Variants in TFAP2D observed in about 807,000 individuals in gnomAD.
TFAP2D encodes the protein transcription factor AP-2-delta.
In TFAP2D, 9 loss-of-function variants were observed where a neutral mutation model predicts 43.6. That is an observed-to-expected ratio of 0.21 (90% CI 0.12 to 0.36). The LOEUF (loss-of-function observed/expected upper bound fraction) is 0.36. Ranked by LOEUF, TFAP2D falls within the 10% of genes least tolerant of loss-of-function variation. The pLI is 1.00. For missense variants in TFAP2D, 513 were observed against 561.4 expected, an observed-to-expected ratio of 0.91 and a Z score of 0.87; for synonymous variants, 256 against 224.9, an observed-to-expected ratio of 1.14 and a Z score of -1.24.
chr6:50,734,198 A>G (rs139598028), intron 5 of TFAP2D, among the ~76,000 whole-genome samples: 1 of 152,112 alleles, frequency 6.6e-6, no homozygotes, highest in African/African-American at 2.4e-5. Context: ...ATCTTAGCTC[A>G]TGTAAATTAG....
chr6:50,732,464 G>A (rs1294482562), intron 5 of TFAP2D, among the ~76,000 whole-genome samples: 1 of 151,920 alleles, frequency 6.6e-6, no homozygotes, highest in African/African-American at 2.4e-5. Flanking sequence ...CCACATTTTG[G>A]CATAATATTG....
chr6:50,738,145 A>T (rs781592216), intron 5 of TFAP2D, among the ~76,000 whole-genome samples: 22 of 152,130 alleles, frequency 1.4e-4, no homozygotes, highest in Non-Finnish European at 2.8e-4. Context: ...ACCCTCTATT[A>T]TGAAGGAGAT....
At chr6:50,732,918 C>T (rs1188956301) in intron 5 of TFAP2D, among the ~76,000 whole-genome samples, 2 of 151,966 alleles carry the variant, frequency 1.3e-5, no homozygotes, top group Non-Finnish European at 2.9e-5. Context: ...GTATGAATAG[C>T]TCCTAGCTTT....
At chr6:50,717,605 T>C (rs759684181) in intron 2 of TFAP2D, among the ~76,000 whole-genome samples, 1 of 152,248 alleles carries the variant, frequency 6.6e-6, no homozygotes, top group Non-Finnish European at 1.5e-5. Flanking sequence ...CAGTCCAAGA[T>C]ACTAGAAGAA....
At position 50,713,618 on chromosome 6, in the gene TFAP2D, G is replaced by T. The variant is rs973787923; in HGVS notation, c.-438G>T. 1.1e-4 allele frequency among the ~76,000 whole-genome samples: 16 copies of T among 151,956 alleles called. No homozygotes were observed. The highest frequency in any genetic ancestry group is 3.9e-4 in the African/African-American group (16 of 41,406). ...GTCGGTATAGAAAAGCATGATAAAG[G>T]TTGGAAAAAATGGATAAAAATGTTG... On this transcript the variant is annotated 5_prime_UTR_variant, in exon 1 of 8. Transcript: ENST00000008391.
chr6:50,753,015 A>G (rs947682516), intron 7 of TFAP2D, among the ~76,000 whole-genome samples: 3 of 151,914 alleles, frequency 2.0e-5, no homozygotes, highest in African/African-American at 7.2e-5. Flanking sequence ...CGTATCATTT[A>G]CCTTCACCAC....
chr6:50,734,376 A>G (rs1001257238), intron 5 of TFAP2D, among the ~76,000 whole-genome samples: 2 of 152,116 alleles, frequency 1.3e-5, no homozygotes, highest in African/African-American at 4.8e-5. Context: ...CATCATATCT[A>G]TAATGATGAG....
chr6:50,717,896 T>C (rs1768653586), intron 2 of TFAP2D: 1 of 152,242 alleles, frequency 6.6e-6, no homozygotes, highest in South Asian at 2.1e-4. Context: ...TTCATCAGCA[T>C]ATGCCTCATT....
In TFAP2D at chr6:50,745,194, A is replaced by T. The variant is rs763870103; in HGVS notation, c.971A>T (p.Gln324Leu). 10 of 1,613,780 alleles carry T rather than the reference A, an allele frequency of 6.2e-6. No individual in the cohort carries two copies. Among genetic ancestry groups the T allele is most frequent in the Non-Finnish European group, 7.6e-6 (9 of 1,179,804 alleles). The change falls in exon 6 of 8, where the codon CAA (glutamine) becomes CTA (leucine). Residue 324 changes from glutamine (Q) to leucine (L), a missense_variant. By Grantham distance (113) the Gln-to-Leu change is moderately radical. Around this residue, in one of 3 missense-constraint regions of TFAP2D, gnomAD observed 199 missense variants for 227.9 expected, o/e 0.87. Coordinates refer to ENST00000008391, the MANE Select transcript of TFAP2D (RefSeq NM_172238.4). ...AKAVGEHLAR[Q>L]HMEQKEQTAR... ...GCAGTAGGAGAACATCTTGCCAGAC[A>T]ACATATGGAACAGAAAGAACAGACA...
chr6:50,718,414 T>G lies in TFAP2D; in HGVS notation c.538-676T>G, dbSNP rs146869755. 3.3e-5 allele frequency among the ~76,000 whole-genome samples: 5 copies of G among 152,294 alleles called. No individual in the cohort carries two copies. The East Asian group carries it at 9.7e-4, about 29-fold the overall frequency. On this transcript the variant is annotated intron_variant, in intron 2 of 7. Coordinates refer to ENST00000008391, the MANE Select transcript of TFAP2D (RefSeq NM_172238.4). ...TTGTTTGTAAAGGAAAATGAGCCTT[T>G]AACACATTTTGATTTGGGAAAAAAG...
At chr6:50,724,259 T>A (rs954135258) in intron 3 of TFAP2D, among the ~76,000 whole-genome samples, 1 of 151,908 alleles carries the variant, frequency 6.6e-6, no homozygotes, top group Non-Finnish European at 1.5e-5. Flanking sequence ...ACTCTTGTAA[T>A]CGCTTACACA....
intron 7 of TFAP2D, among the ~76,000 whole-genome samples, chr6:50,766,130 T>A (rs1349887640): frequency 6.6e-6 from 1 of 152,200 alleles, no homozygotes; most frequent in African/African-American, 2.4e-5. Context: ...ACCATCCTTT[T>A]CCCATTGTGT....
intron 5 of TFAP2D, among the ~76,000 whole-genome samples, chr6:50,731,128 A>T (rs1768886742): frequency 6.6e-6 from 1 of 152,010 alleles, no homozygotes; most frequent in African/African-American, 2.4e-5. Flanking sequence ...TCCTAGGATG[A>T]TCTCTGGAGT....
intron 5 of TFAP2D, among the ~76,000 whole-genome samples, chr6:50,731,455 C>G (rs893853936): frequency 4.6e-5 from 7 of 151,838 alleles, no homozygotes; most frequent in African/African-American, 1.7e-4. Context: ...TTCATACACA[C>G]ACACACACAC....
intron 3 of TFAP2D, among the ~76,000 whole-genome samples, chr6:50,727,929 G>C (rs1157911937): frequency 6.6e-6 from 1 of 152,050 alleles, no homozygotes; most frequent in Non-Finnish European, 1.5e-5. Context: ...GATCACCTTT[G>C]GATCGTCAAG....
intron 5 of TFAP2D, 151 bp from the exon 6 acceptor site, chr6:50,744,956 C>T (rs1769104802): frequency 1.1e-6 from 1 of 872,556 alleles, no homozygotes; most frequent in Non-Finnish European, 1.7e-6. Flanking sequence ...TCCCCTCCTC[C>T]CCCCAAAAAG....
Position 50,772,637 on chromosome 6 carries a change from AT to A in TFAP2D, c.1140-5del. Reference sequence around the variant, plus strand: ...CACCTCTTTTTTCCTATCACTTCTCATTTCCAGTTTGATCACTCATGGCTTT... The same window carrying A: ...CACCTCTTTTTTCCTATCACTTCTCATTCCAGTTTGATCACTCATGGCTTT... On this transcript the variant is annotated splice_polypyrimidine_tract_variant and splice_region_variant and intron_variant, in intron 7 of 7. Coordinates refer to ENST00000008391, the MANE Select transcript of TFAP2D (RefSeq NM_172238.4). 1 of 1,612,880 alleles carries A rather than the reference AT, an allele frequency of 6.2e-7. No individual in the cohort carries two copies. Among genetic ancestry groups the A allele is most frequent in the Non-Finnish European group, 8.5e-7 (1 of 1,179,114 alleles).
chr6:50,730,964 G>T lies in TFAP2D; in HGVS notation c.883+1652G>T, dbSNP rs536844901. The stretch of plus-strand genomic sequence containing the variant: ...CCCAGTAAAGACTTTTCTCCAAGCT[G>T]TCTATGAAAGTACTGGTCAGTACTA... On this transcript the variant is annotated intron_variant, in intron 5 of 7. Transcript: ENST00000008391. Among the ~76,000 whole-genome samples the T allele has an allele frequency of 2.0e-5, 3 of 152,206 alleles. No individual in the cohort carries two copies. In the South Asian group the frequency reaches 6.2e-4, roughly 32 times the overall value.
chr6:50,737,277 T>G (rs1768977335), intron 5 of TFAP2D, among the ~76,000 whole-genome samples: 1 of 152,146 alleles, frequency 6.6e-6, no homozygotes, highest in Non-Finnish European at 1.5e-5. Flanking sequence ...TTGCTTACAT[T>G]TATTGAAATT....
Sources: allele counts gnomAD v4.1 joint callset (sites outside exome capture counted in the v4.1 genomes callset), GRCh38; gene constraint gnomAD v4.1.1; regional missense constraint gnomAD v4.1.1; transcripts MANE v1.5; gene names NCBI Gene and HGNC (gene_info 2026-07-23, HGNC 2026-07-21).